Variants in GXYLT1 observed in about 807,000 individuals in gnomAD.
The protein encoded by GXYLT1 is glucoside xylosyltransferase 1, also known as glycosyltransferase 8 domain containing 3.
In GXYLT1, 29 loss-of-function variants were observed where a neutral mutation model predicts 54.0. The observed-to-expected ratio is 0.54, with a 90% CI of 0.40 to 0.73. The LOEUF (loss-of-function observed/expected upper bound fraction) is 0.73. GXYLT1 is among the 30% of genes least tolerant of loss of function. The pLI is 0.00. For synonymous variants in GXYLT1, 176 were observed against 204.1 expected (o/e 0.86, Z 1.17); for missense variants, 490 against 553.4 (o/e 0.89, Z 1.15).
At position 42,087,183 on chromosome 12, in the gene GXYLT1, A is replaced by C. The variant is rs529546119; in HGVS notation, c.*603T>G. On this transcript the variant is annotated 3_prime_UTR_variant, in exon 8 of 8. Transcript: ENST00000398675. ...TTTCACTATTTTTCCTCTACCTTACACAGCTCAATTTTTAACATGCAGCTT... is the reference window on the plus strand; with the variant it reads ...TTTCACTATTTTTCCTCTACCTTACCCAGCTCAATTTTTAACATGCAGCTT... 1 of 151,796 alleles carries C rather than the reference A, an allele frequency of 6.6e-6. No individual in the cohort carries two copies. Among genetic ancestry groups the C allele is most frequent in the African/African-American group, 2.4e-5 (1 of 41,320 alleles). The allele number at this position is 151,796 out of a possible 1,614,324, so 9.4% of individuals were successfully genotyped here.
At chr12:42,109,523 T>TTA in intron 4 of GXYLT1, 43 bp downstream of exon 4, 1 of 1,131,472 alleles carries the variant, frequency 8.8e-7, no homozygotes, top group Non-Finnish European at 1.1e-6. Context: ...GGTTCAAATT[T>TTA]AAAAAAAAAA....
In GXYLT1 at chr12:42,111,972, G is replaced by A. The variant is rs145868288; in HGVS notation, c.487-2281C>T. 1.6e-3 allele frequency among the ~76,000 whole-genome samples: 238 copies of A among 152,276 alleles called. 1 individual carries two copies. Among genetic ancestry groups the A allele is most frequent in the Non-Finnish European group, 8.1e-4 (55 of 68,010 alleles). On this transcript the variant is annotated intron_variant, in intron 3 of 7. Coordinates refer to ENST00000398675, the MANE Select transcript of GXYLT1 (RefSeq NM_173601.2). Reference sequence around the variant, plus strand: ...GGAACCATCAGGCAGCAGCATTTGCGGTTCACCAATATCTGCTGTTCTGCA... The same window carrying A: ...GGAACCATCAGGCAGCAGCATTTGCAGTTCACCAATATCTGCTGTTCTGCA...
At chr12:42,127,883 T>C (rs2065572616) in intron 2 of GXYLT1, among the ~76,000 whole-genome samples, 1 of 152,250 alleles carries the variant, frequency 6.6e-6, no homozygotes, top group Non-Finnish European at 1.5e-5. Context: ...AGCTGGAATA[T>C]TACTTGGCTC....
Position 42,097,464 on chromosome 12 carries a change from G to C in GXYLT1, c.1139C>G (p.Ala380Gly). 6.3e-7 allele frequency: 1 copy of C among 1,592,686 alleles called. No individual in the cohort carries two copies. Among genetic ancestry groups the C allele is most frequent in the Non-Finnish European group, 8.5e-7 (1 of 1,175,242 alleles). The change falls in exon 7 of 8, where the codon GCT becomes GGT. Residue 380 changes from alanine to glycine, a missense_variant. Physicochemically the swap from Ala to Gly is moderately conservative, Grantham distance 60. Around this residue, in one of 2 missense-constraint regions of GXYLT1, gnomAD observed 342 missense variants for 342.6 expected, o/e 1.00. Coordinates refer to ENST00000398675, the MANE Select transcript of GXYLT1 (RefSeq NM_173601.2). ...YHDDKQPAFR[A>G]VYEALRNCSF... ...TACATTTCTCAGTGCTTCATAAACAGCTCTAAATGCTGGTTGCTTATCGTC... is the reference window on the plus strand; with the variant it reads ...TACATTTCTCAGTGCTTCATAAACACCTCTAAATGCTGGTTGCTTATCGTC...
At chr12:42,088,309 T>C (rs778185779) in intron 7 of GXYLT1, among the ~76,000 whole-genome samples, 8 of 151,914 alleles carry the variant, frequency 5.3e-5, no homozygotes, top group Non-Finnish European at 1.0e-4. Flanking sequence ...GTCCCACCTT[T>C]TAAAAACCAC....
chr12:42,126,073 CTTT>C (rs35070036), intron 2 of GXYLT1, among the ~76,000 whole-genome samples: 3 of 135,236 alleles, frequency 2.2e-5, no homozygotes, highest in Non-Finnish European at 1.6e-5. Context: ...CCAGTAGGAA[CTTT>C]TTTTTTTTTT....
At chr12:42,097,027 A>G (rs1257812108) in intron 7 of GXYLT1, among the ~76,000 whole-genome samples, 2 of 152,186 alleles carry the variant, frequency 1.3e-5, no homozygotes, top group African/African-American at 4.8e-5. Flanking sequence ...CCAATGTCAT[A>G]TAAGACAAAG....
In GXYLT1 at chr12:42,097,486, C is replaced by G; in HGVS notation, c.1117G>C (p.Asp373His). The G allele has an allele frequency of 6.2e-7, 1 of 1,601,514 alleles. No individual in the cohort carries two copies. Among genetic ancestry groups the G allele is most frequent in the Non-Finnish European group, 8.5e-7 (1 of 1,177,034 alleles). The part of the protein sequence containing the change: ...LHGNRGVYHD[D>H]KQPAFRAVYE... ...ACAGCTCTAAATGCTGGTTGCTTAT[C>G]GTCATGGTAAACACCTCTGTTCCCA... The change falls in exon 7 of 8, where the codon GAT (aspartate) becomes CAT (histidine). Residue 373 changes from aspartate to histidine, a missense_variant. This residue lies in a region of GXYLT1 where 342 missense variants were observed against 342.6 expected (regional missense o/e 1.00). Transcript: ENST00000398675.
intron 3 of GXYLT1, among the ~76,000 whole-genome samples, chr12:42,111,289 A>T (rs2065453234): frequency 6.6e-6 from 1 of 152,360 alleles, no homozygotes; most frequent in African/African-American, 2.4e-5. Flanking sequence ...GGTGCAGGAC[A>T]GTGGCTGCAG....
Position 42,112,926 on chromosome 12 carries a change from G to A in GXYLT1, c.487-3235C>T, listed in dbSNP as rs549772543. On this transcript the variant is annotated intron_variant, in intron 3 of 7. Coordinates refer to ENST00000398675, the MANE Select transcript of GXYLT1 (RefSeq NM_173601.2). Reference sequence around the variant, plus strand: ...AAGGGAAGCCCATCAGACTAAGGGCGGATCTCTCGGCAGAAACTCTACAAG... The same window carrying A: ...AAGGGAAGCCCATCAGACTAAGGGCAGATCTCTCGGCAGAAACTCTACAAG... Among the ~76,000 whole-genome samples, 74 of 151,322 alleles carry A rather than the reference G, an allele frequency of 4.9e-4. 4 individuals carry two copies. The South Asian group carries it at 6.8e-3, about 14-fold the overall frequency.
At chr12:42,121,193 G>A (rs562752194) in intron 2 of GXYLT1, among the ~76,000 whole-genome samples, 10 of 152,208 alleles carry the variant, frequency 6.6e-5, no homozygotes, top group Admixed American at 5.9e-4. Flanking sequence ...TAACAGGCTC[G>A]GATTGCTTTA....
chr12:42,133,819 G>C (rs924235129), intron 1 of GXYLT1, among the ~76,000 whole-genome samples: 22 of 152,146 alleles, frequency 1.4e-4, no homozygotes, highest in African/African-American at 5.3e-4. Context: ...TTCAGATACT[G>C]CAAGGTGAGA....
chr12:42,139,755 G>A (rs2065641075), intron 1 of GXYLT1, among the ~76,000 whole-genome samples: 1 of 152,104 alleles, frequency 6.6e-6, no homozygotes, highest in Non-Finnish European at 1.5e-5. Context: ...AAAATACAAA[G>A]TATAGGGCAC....
chr12:42,144,288 G>A (rs1488086106), intron 1 of GXYLT1, 138 bp downstream of exon 1: 4 of 457,274 alleles, frequency 8.7e-6, no homozygotes, highest in Non-Finnish European at 1.1e-5. Flanking sequence ...AGGGGAAGGA[G>A]GGAAATGAGT....
intron 2 of GXYLT1, among the ~76,000 whole-genome samples, chr12:42,120,181 C>T (rs1174939917): frequency 6.6e-6 from 1 of 152,164 alleles, no homozygotes; most frequent in Non-Finnish European, 1.5e-5. Flanking sequence ...AAACCTCTCC[C>T]CATACCACCT....
intron 1 of GXYLT1, among the ~76,000 whole-genome samples, chr12:42,134,370 G>T (rs2065608433): frequency 6.6e-6 from 1 of 152,042 alleles, no homozygotes; most frequent in Non-Finnish European, 1.5e-5. Flanking sequence ...GGAGTGCAGT[G>T]GTACAAACAC....
intron 7 of GXYLT1, among the ~76,000 whole-genome samples, chr12:42,097,033 C>G (rs976580706): frequency 3.3e-5 from 5 of 151,896 alleles, no homozygotes; most frequent in Non-Finnish European, 7.4e-5. Flanking sequence ...TCATATAAGA[C>G]AAAGACTGAG....
chr12:42,105,507 A>C (rs1445008764), intron 5 of GXYLT1, among the ~76,000 whole-genome samples: 1 of 152,200 alleles, frequency 6.6e-6, no homozygotes, highest in African/African-American at 2.4e-5. Context: ...GTATTCTATG[A>C]ATGTACAACT....
At chr12:42,096,100 G>C (rs1471061212) in intron 7 of GXYLT1, among the ~76,000 whole-genome samples, 2 of 152,130 alleles carry the variant, frequency 1.3e-5, no homozygotes, top group Non-Finnish European at 2.9e-5. Context: ...ATATAGAGTA[G>C]AAGAAAGGAA....
Sources: gnomAD v4.1 joint callset for allele counts (sites outside exome capture counted in the v4.1 genomes callset) on GRCh38, gnomAD v4.1.1 for gene constraint, gnomAD v4.1.1 regional missense constraint, MANE v1.5 for transcripts, NCBI Gene and HGNC (gene_info 2026-07-23, HGNC 2026-07-21) for gene names.